The following CCDC40 variants were observed in gnomAD, a reference collection of about 807,000 sequenced individuals.
CCDC40 encodes the protein coiled-coil domain 40 molecular ruler complex subunit, also known as coiled-coil domain-containing protein 40.
In CCDC40, 104 loss-of-function variants were observed where a neutral mutation model predicts 124.5. The observed-to-expected ratio is 0.84, with a 90% confidence interval of 0.71 to 0.98. The LOEUF is 0.98. CCDC40 is among the 50% of genes least tolerant of loss of function. CCDC40 has a pLI of 0.00. For synonymous variants in CCDC40, 580 were observed against 602.9 expected (o/e 0.96, Z 0.56); for missense variants, 1,463 against 1,503.9 (o/e 0.97, Z 0.45).
rs1285051283 is a variant in CCDC40 at position 80,056,000 on chromosome 17, A to ATTTTTTT, written c.1160-2493_1160-2492insTTTTTTT. On this transcript the variant is annotated intron_variant, in intron 7 of 19. Transcript: ENST00000397545. ...AATTTTCATATATATATATATATAT[A>ATTTTTTT]TATATATATATATATATTTTTTTTT... Among the ~76,000 whole-genome samples, 34 of 7,560 alleles carry ATTTTTTT rather than the reference A, an allele frequency of 4.5e-3. 6 individuals carry two copies. Among genetic ancestry groups the ATTTTTTT allele is most frequent in the Non-Finnish European group, 8.4e-3 (27 of 3,196 alleles). 5.0% of individuals were successfully genotyped at this position (7,560 alleles called of 152,430 possible). A position where few individuals can be genotyped will look rare whatever the true frequency, so the allele number is the denominator to read the frequency against.
chr17:80,058,951 AC>A lies in CCDC40; in HGVS notation c.1414del (p.Arg472GlyfsTer3), dbSNP rs1269677700. ...EAQYLAQAED[T>X]RILRKAVSEA... ...TCAGTACTTGGCCCAAGCTGAGGAC[AC>A]CCGGATTTTAAGGAAAGCAGTGAGT... is the stretch of plus-strand genomic sequence containing the variant. On this transcript the variant is annotated frameshift_variant, in exon 9 of 20. Transcript: ENST00000397545. LOFTEE classifies it high-confidence loss of function. The surrounding 1 kb of genome is among the most constrained non-coding windows in gnomAD (Gnocchi z 4.2). 4 of 1,613,970 alleles carry A rather than the reference AC, an allele frequency of 2.5e-6. No homozygotes were observed. Among genetic ancestry groups the A allele is most frequent in the Non-Finnish European group, 3.4e-6 (4 of 1,180,018 alleles).
chr17:80,055,310 A>C (rs1416225393), intron 7 of CCDC40, among the ~76,000 whole-genome samples: 1 of 152,228 alleles, frequency 6.6e-6, no homozygotes, highest in Non-Finnish European at 1.5e-5. Context: ...CTAATGAAAA[A>C]TAAAAGCCAA....
Position 80,089,867 on chromosome 17 carries a change from G to A in CCDC40, c.2815G>A (p.Glu939Lys), listed in dbSNP as rs750063649. ...GACGGAGATCCGGGCCATGAAGGGC[G>A]AGATCCACAGGATGAAGGTGAGGGG... is the stretch of plus-strand genomic sequence containing the variant. ...GQTEIRAMKG[E>K]IHRMKVRLGQ... Residue 939 changes from glutamate (E) to lysine (K), a missense_variant, in exon 17 of 20, where the codon GAG (glutamate) becomes AAG (lysine). Physicochemically the swap from Glu to Lys is moderately conservative, Grantham distance 56. Coordinates refer to ENST00000397545, the MANE Select transcript of CCDC40 (RefSeq NM_017950.4). The A allele has an allele frequency of 4.3e-6, 7 of 1,614,148 alleles. No individual in the cohort carries two copies. The highest frequency in any genetic ancestry group is 1.7e-5 in the Admixed American group (1 of 60,016).
In CCDC40 at chr17:80,058,950, C is replaced by G; in HGVS notation, c.1410C>G (p.Asp470Glu). 6.2e-7 allele frequency: 1 copy of G among 1,614,152 alleles called. No homozygotes were observed. The highest frequency in any genetic ancestry group is 8.5e-7 in the Non-Finnish European group (1 of 1,180,038). The change falls in exon 9 of 20, where the codon GAC becomes GAG. Residue 470 changes from aspartate (D) to glutamate (E), a missense_variant. Asp to Glu is a conservative substitution (Grantham distance 45, BLOSUM62 2). Coordinates refer to ENST00000397545, the MANE Select transcript of CCDC40 (RefSeq NM_017950.4). This position sits in a 1 kb window ranked among gnomAD's most constrained non-coding sequence, Gnocchi z 4.2. ...FEAQYLAQAE[D>E]TRILRKAVSE... is the part of the protein sequence containing the mutation. ...CTCAGTACTTGGCCCAAGCTGAGGA[C>G]ACCCGGATTTTAAGGAAAGCAGTGA... is the stretch of plus-strand genomic sequence containing the variant.
At position 80,087,378 on chromosome 17, in the gene CCDC40, G is replaced by A; in HGVS notation, c.2450-229G>A. ...GCAGGTCCTCTCAGTTCCGTTGGAG[G>A]ACCAGGCTTTGGGAGCTTAGCAGCC... On this transcript the variant is annotated intron_variant, in intron 14 of 19. Coordinates refer to ENST00000397545, the MANE Select transcript of CCDC40 (RefSeq NM_017950.4). This position sits in a 1 kb window ranked among gnomAD's most constrained non-coding sequence, Gnocchi z 4.5. 1.7e-6 allele frequency: 1 copy of A among 578,950 alleles called. No individual in the cohort carries two copies. Among genetic ancestry groups the A allele is most frequent in the East Asian group, 3.0e-5 (1 of 33,766 alleles). 35.9% of individuals were successfully genotyped at this position (578,950 alleles called of 1,614,324 possible).
At chr17:80,043,605 CTTTT>C (rs61278841) in intron 3 of CCDC40, among the ~76,000 whole-genome samples, 1 of 121,372 alleles carries the variant, frequency 8.2e-6, no homozygotes, top group African/African-American at 3.5e-5. Flanking sequence ...TCTCCTCTTC[CTTTT>C]TTTTTTTTTT....
intron 10 of CCDC40, among the ~76,000 whole-genome samples, chr17:80,077,302 C>T (rs2038332590): frequency 6.6e-6 from 1 of 152,054 alleles, no homozygotes; most frequent in Non-Finnish European, 1.5e-5. Context: ...AGGCGGATCA[C>T]TTGAGCTCAA....
In CCDC40 at chr17:80,079,591, C is replaced by T. The variant is rs191798765; in HGVS notation, c.1563-1955C>T. 7.4e-4 allele frequency among the ~76,000 whole-genome samples: 112 copies of T among 152,164 alleles called. 1 individual carries two copies. In the East Asian group the frequency reaches 0.018, roughly 24 times the overall value. The stretch of plus-strand genomic sequence containing the variant: ...CCTGTTTTTTGGCTTTTTCTGATCT[C>T]ATCAGTGGATCAATAAATATCCACA... On this transcript the variant is annotated intron_variant, in intron 10 of 19. Transcript: ENST00000397545.
At chr17:80,094,129 G>C (rs1277086900) in intron 17 of CCDC40, among the ~76,000 whole-genome samples, 1 of 151,972 alleles carries the variant, frequency 6.6e-6, no homozygotes, top group African/African-American at 2.4e-5. Context: ...CGCAGAGTTT[G>C]GGCTGGGTGC....
chr17:80,090,656 T>A, intron 17 of CCDC40: 1 of 1,438,648 alleles, frequency 7.0e-7, no homozygotes, highest in Non-Finnish European at 9.1e-7. Flanking sequence ...CATCTCATCC[T>A]TCACAGCCGC....
Position 80,095,134 on chromosome 17 carries a change from G to A in CCDC40, c.2833-129G>A, listed in dbSNP as rs548502644. On this transcript the variant is annotated intron_variant, in intron 17 of 19. Coordinates refer to ENST00000397545, the MANE Select transcript of CCDC40 (RefSeq NM_017950.4). ...TCCCTTGTTCCTCCTGGCGGCACAG[G>A]CCTCACTGTTTCCCCGCCGATCCCC... 6.6e-5 allele frequency: 55 copies of A among 839,416 alleles called. No homozygotes were observed. The South Asian group carries it at 6.7e-4, about 10-fold the overall frequency. 52.0% of individuals were successfully genotyped at this position (839,416 alleles called of 1,614,324 possible). A position where few individuals can be genotyped will look rare whatever the true frequency, so the allele number is the denominator to read the frequency against.
intron 6 of CCDC40, 23 bp downstream of exon 6, chr17:80,050,012 A>ACCCT (rs1308251852): frequency 6.2e-7 from 1 of 1,613,432 alleles, no homozygotes; most frequent in Admixed American, 1.7e-5. Flanking sequence ...CCAGTCTCCC[A>ACCCT]CCCTGGTCGG....
In CCDC40 at chr17:80,085,992, A is replaced by G. The variant is rs574713445; in HGVS notation, c.2236-11A>G. 4.3e-6 allele frequency: 7 copies of G among 1,613,272 alleles called. No homozygotes were observed. Among genetic ancestry groups the G allele is most frequent in the Non-Finnish European group, 5.1e-6 (6 of 1,179,540 alleles). ...GCCCTAATTTTGCTTTTTGATGAAT[A>G]TCCGGTCTAGGGGGAAGAAGTGGGG... On this transcript the variant is annotated splice_polypyrimidine_tract_variant and intron_variant, in intron 13 of 19. Transcript: ENST00000397545.
intron 1 of CCDC40, among the ~76,000 whole-genome samples, chr17:80,037,688 A>AAAATATAT: frequency 9.4e-4 from 43 of 45,712 alleles, no homozygotes; most frequent in African/African-American, 2.4e-3. Flanking sequence ...TTTTTTAAAA[A>AAAATATAT]AGATATACAT....
At chr17:80,060,990 T>A (rs1173197234) in intron 9 of CCDC40, among the ~76,000 whole-genome samples, 1 of 152,220 alleles carries the variant, frequency 6.6e-6, no homozygotes, top group Admixed American at 6.5e-5. Context: ...AAAATATTTA[T>A]ATAATCCTGG....
At chr17:80,037,788 C>G (rs1020451567) in intron 1 of CCDC40, among the ~76,000 whole-genome samples, 2 of 150,338 alleles carry the variant, frequency 1.3e-5, no homozygotes, top group Non-Finnish European at 3.0e-5. Flanking sequence ...GCGCTACTTT[C>G]TCTACGTTGT....
intron 12 of CCDC40, 51 bp downstream of exon 12, chr17:80,082,109 C>A: frequency 6.4e-7 from 1 of 1,560,566 alleles, no homozygotes; most frequent in Non-Finnish European, 8.8e-7. Flanking sequence ...GCAGCCTGGG[C>A]ATATGAGGGC....
At position 80,084,907 on chromosome 17, in the gene CCDC40, G is replaced by A; in HGVS notation, c.2154G>A (p.Arg718=). The A allele has an allele frequency of 6.2e-7, 1 of 1,614,064 alleles. No individual in the cohort carries two copies. The highest frequency in any genetic ancestry group is 8.5e-7 in the Non-Finnish European group (1 of 1,180,014). The change falls in exon 13 of 20, where the codon CGG becomes CGA. Residue 718 remains arginine (R), a synonymous_variant. Coordinates refer to ENST00000397545, the MANE Select transcript of CCDC40 (RefSeq NM_017950.4). ...CCAACAGCCAGAGCGAGATCTCCCG[G>A]CGCACGATCCTGATCGAGAGGAAGC... ...LITNSQSEIS[R]RTILIERKQG...
chr17:80,088,683 G>A lies in CCDC40; in HGVS notation c.2711+581G>A, dbSNP rs546639276. Among the ~76,000 whole-genome samples the A allele has an allele frequency of 8.3e-4, 126 of 152,270 alleles. 2 individuals carry two copies. Among genetic ancestry groups the A allele is most frequent in the Admixed American group, 1.3e-3 (20 of 15,300 alleles). On this transcript the variant is annotated intron_variant, in intron 16 of 19. Coordinates refer to ENST00000397545, the MANE Select transcript of CCDC40 (RefSeq NM_017950.4). The stretch of plus-strand genomic sequence containing the variant: ...TTGGCCAGGCATGGTGGTGCATGCC[G>A]GTAGTCCCAGCTACTCGGGAGGCTG...
Sources: allele counts gnomAD v4.1 joint callset (sites outside exome capture counted in the v4.1 genomes callset), GRCh38; gene constraint gnomAD v4.1.1; non-coding constraint Gnocchi (gnomAD v3.1); transcripts MANE v1.5; gene names NCBI Gene and HGNC (gene_info 2026-07-23, HGNC 2026-07-21).